The following RBBP5 variants were observed in gnomAD, a reference collection of about 807,000 sequenced individuals.
RBBP5 encodes RB binding protein 5, histone lysine methyltransferase complex subunit.
In RBBP5, 5 loss-of-function variants were observed where a neutral mutation model predicts 72.2. The observed-to-expected ratio is 0.07, with a 90% confidence interval of 0.04 to 0.15. RBBP5 has a LOEUF of 0.15. Ranked by LOEUF, RBBP5 falls within the 10% of genes least tolerant of loss-of-function variation. The pLI is 1.00. For missense variants in RBBP5, 322 were observed against 652.2 expected, an observed-to-expected ratio of 0.49 and a Z score of 5.51; for synonymous variants, 209 against 237.2, an observed-to-expected ratio of 0.88 and a Z score of 1.09.
chr1:205,097,184 G>C, intron 11 of RBBP5, 142 bp downstream of exon 11: 1 of 849,522 alleles, frequency 1.2e-6, no homozygotes, highest in Non-Finnish European at 1.8e-6. Context: ...GGCTACATTG[G>C]ATTTCTTGTA....
intron 2 of RBBP5, 32 bp from the exon 3 acceptor site, chr1:205,114,993 C>G: frequency 6.6e-7 from 1 of 1,522,938 alleles, no homozygotes; most frequent in Non-Finnish European, 8.9e-7. Flanking sequence ...AGAATAGAGG[C>G]AACAATAGCC....
intron 13 of RBBP5, among the ~76,000 whole-genome samples, chr1:205,093,478 AAATATATATATATATAT>A (rs1454956353): frequency 1.7e-4 from 1 of 5,720 alleles, no homozygotes; most frequent in African/African-American, 3.6e-4. Context: ...AAAAAAAAAA[AAATATATATATATATAT>A]ATATATATAT....
chr1:205,107,681 C>T (rs907489335), intron 3 of RBBP5, among the ~76,000 whole-genome samples: 1 of 152,188 alleles, frequency 6.6e-6, no homozygotes, highest in Non-Finnish European at 1.5e-5. Context: ...TGCGGTGGCT[C>T]ACGCCTATAA....
intron 12 of RBBP5, 78 bp from the exon 13 acceptor site, chr1:205,095,142 G>C: frequency 2.2e-6 from 3 of 1,363,620 alleles, no homozygotes; most frequent in South Asian, 2.6e-5. Context: ...GTTGAGCAAA[G>C]AATGTTGCTT....
intron 13 of RBBP5, among the ~76,000 whole-genome samples, chr1:205,093,519 TATATATATATATATACACACAC>T (rs1558570464): frequency 5.7e-4 from 11 of 19,220 alleles, no homozygotes; most frequent in African/African-American, 3.6e-3. Flanking sequence ...TATATATATA[TATATATATATATATACACACAC>T]ACACACACAC....
intron 1 of RBBP5, among the ~76,000 whole-genome samples, chr1:205,118,907 A>G (rs1656632422): frequency 6.6e-6 from 1 of 152,234 alleles, no homozygotes; most frequent in Non-Finnish European, 1.5e-5. Context: ...TAACCACATT[A>G]AAAATACATT....
intron 3 of RBBP5, among the ~76,000 whole-genome samples, chr1:205,105,595 T>C (rs1286445867): frequency 1.3e-5 from 2 of 152,222 alleles, no homozygotes; most frequent in African/African-American, 2.4e-5. Context: ...AAAGAATTAA[T>C]TCCTCCTGGT....
intron 1 of RBBP5, 115 bp from the exon 2 acceptor site, chr1:205,115,998 T>A: frequency 6.2e-7 from 1 of 1,605,344 alleles, no homozygotes; most frequent in Non-Finnish European, 8.5e-7. Flanking sequence ...TATGATGCCC[T>A]TTCAGGCATT....
At chr1:205,100,381 T>A in intron 6 of RBBP5, 110 bp from the exon 7 acceptor site, 4 of 1,293,894 alleles carry the variant, frequency 3.1e-6, no homozygotes, top group South Asian at 1.5e-5. Flanking sequence ...AGTAATAGAC[T>A]AGAATATTTA....
intron 3 of RBBP5, among the ~76,000 whole-genome samples, chr1:205,110,682 C>A (rs986273468): frequency 2.6e-5 from 4 of 152,170 alleles, no homozygotes; most frequent in African/African-American, 9.7e-5. Flanking sequence ...ATATATTCCA[C>A]ACTCTTTAAC....
At position 205,088,784 on chromosome 1, in the gene RBBP5, T is replaced by C; in HGVS notation, c.*3A>G. ...GAGAAAGAATGAAGAACTTCGAAGG[T>C]CTTCATAACAGTTCTGAGATTGCTC... On this transcript the variant is annotated 3_prime_UTR_variant, in exon 14 of 14. Coordinates refer to ENST00000264515, the MANE Select transcript of RBBP5 (RefSeq NM_005057.4). 1 of 1,594,248 alleles carries C rather than the reference T, an allele frequency of 6.3e-7. No individual in the cohort carries two copies. Among genetic ancestry groups the C allele is most frequent in the Non-Finnish European group, 8.6e-7 (1 of 1,168,998 alleles).
intron 4 of RBBP5, 47 bp downstream of exon 4, chr1:205,104,981 C>T (rs1274290256): frequency 1.3e-6 from 2 of 1,588,458 alleles, no homozygotes; most frequent in South Asian, 1.1e-5. Flanking sequence ...AGAGCTAATC[C>T]ATATAGAATT....
chr1:205,104,228 A>G (rs1170684167), intron 4 of RBBP5, among the ~76,000 whole-genome samples: 3 of 152,234 alleles, frequency 2.0e-5, no homozygotes, highest in Non-Finnish European at 4.4e-5. Context: ...TGATCATTAA[A>G]AAAAAGTAAG....
chr1:205,112,340 G>A (rs1420415090), intron 3 of RBBP5, among the ~76,000 whole-genome samples: 2 of 151,940 alleles, frequency 1.3e-5, no homozygotes, highest in East Asian at 1.9e-4. Context: ...ATAAAATACA[G>A]TTATAAATTA....
At chr1:205,114,484 A>C (rs1164063980) in intron 3 of RBBP5, among the ~76,000 whole-genome samples, 3 of 152,196 alleles carry the variant, frequency 2.0e-5, no homozygotes, top group African/African-American at 7.2e-5. Flanking sequence ...GTCCTAACCG[A>C]GACTTTTTAT....
chr1:205,101,456 C>T (rs2102285661), intron 6 of RBBP5, 144 bp downstream of exon 6: 2 of 549,994 alleles, frequency 3.6e-6, no homozygotes, highest in Non-Finnish European at 6.2e-6. Flanking sequence ...AACTCGAAAA[C>T]CAGATATTGT....
intron 13 of RBBP5, among the ~76,000 whole-genome samples, chr1:205,089,386 A>C (rs1422415865): frequency 1.3e-5 from 2 of 152,214 alleles, no homozygotes; most frequent in Non-Finnish European, 2.9e-5. Context: ...TGAATAGTAC[A>C]ATGAAATGAA....
intron 3 of RBBP5, among the ~76,000 whole-genome samples, chr1:205,112,656 A>G (rs1032117873): frequency 4.6e-5 from 7 of 152,180 alleles, no homozygotes; most frequent in African/African-American, 1.7e-4. Context: ...AACACTATGT[A>G]GTTGAGGAAA....
At chr1:205,102,894 G>A (rs1182484580) in intron 5 of RBBP5, among the ~76,000 whole-genome samples, 1 of 151,814 alleles carries the variant, frequency 6.6e-6, no homozygotes, top group Non-Finnish European at 1.5e-5. Context: ...TCGGGAGGCT[G>A]AGGCAGGAGA....
Sources: allele counts gnomAD v4.1 joint callset (sites outside exome capture counted in the v4.1 genomes callset), GRCh38; gene constraint gnomAD v4.1.1; transcripts MANE v1.5; gene names NCBI Gene and HGNC (gene_info 2026-07-23, HGNC 2026-07-21).